Variants in CD101 observed in about 807,000 individuals in gnomAD.
CD101 encodes CD101 molecule, also known as immunoglobulin superfamily member 2.
Under a neutral mutation model 98.2 loss-of-function variants are expected in CD101, and 76 were observed. The observed-to-expected ratio is 0.77, with a 90% CI of 0.64 to 0.94. The LOEUF (loss-of-function observed/expected upper bound fraction) is 0.94. Among genes scored for constraint, CD101 ranks in the 40% least tolerant of loss-of-function variants. The pLI is 0.00. For missense variants in CD101, 1,145 were observed against 1,218.8 expected (o/e 0.94, Z 0.90); for synonymous variants, 471 against 472.7 (o/e 1.00, Z 0.05).
Position 117,013,660 on chromosome 1 carries a change from T to C in CD101, c.1096T>C (p.Ser366Pro), listed in dbSNP as rs1245677893. 5 of 1,614,056 alleles carry C rather than the reference T, an allele frequency of 3.1e-6. No homozygotes were observed. The highest frequency in any genetic ancestry group is 3.4e-6 in the Non-Finnish European group (4 of 1,180,008). Reference sequence around the variant, plus strand: ...CAAGGCTTTCTCTCTCAAGATCTTCTCTCTGGGCCCAGAGGATGAAGGCGC... The same window carrying C: ...CAAGGCTTTCTCTCTCAAGATCTTCCCTCTGGGCCCAGAGGATGAAGGCGC... ...GPKAFSLKIF[S>P]LGPEDEGAYR... Residue 366 changes from serine (S) to proline (P), a missense_variant, in exon 4 of 10, where the codon TCT (serine) becomes CCT (proline). By Grantham distance (74) the Ser-to-Pro change is moderately conservative. Coordinates refer to ENST00000682167, the MANE Select transcript of CD101 (RefSeq NM_001256106.3).
At position 117,034,021 on chromosome 1, in the gene CD101, G is replaced by T. The variant is rs1444381007; in HGVS notation, c.2986G>T (p.Ala996Ser). ...GCGTTCCAACACACGGAAAGAAAAA[G>T]CTCTCTGGGTGGACTTGAAAGAGGC... ...TLRSNTRKEK[A>S]LWVDLKEAGG... The change falls in exon 9 of 10, where the codon GCT becomes TCT. Residue 996 changes from alanine to serine, a missense_variant. Ala to Ser is a moderately conservative substitution (Grantham distance 99, BLOSUM62 1). Transcript: ENST00000682167. The T allele has an allele frequency of 3.7e-6, 6 of 1,614,022 alleles. No individual in the cohort carries two copies. The African/African-American group carries it at 5.3e-5, about 14-fold the overall frequency.
chr1:117,015,738 T>G (rs538087360), intron 4 of CD101, among the ~76,000 whole-genome samples: 70 of 152,362 alleles, frequency 4.6e-4, no homozygotes, highest in African/African-American at 1.6e-3. Context: ...TACTAAGTAC[T>G]TTCCCTAGCC....
rs1280392628 is a variant in CD101 at position 117,010,462 on chromosome 1, G to A, written c.424+232G>A. Among the ~76,000 whole-genome samples, 3 of 152,188 alleles carry A rather than the reference G, an allele frequency of 2.0e-5. No homozygotes were observed. The highest frequency in any genetic ancestry group is 4.4e-5 in the Non-Finnish European group (3 of 68,032). On this transcript the variant is annotated intron_variant, in intron 2 of 9. Transcript: ENST00000682167. This position sits in a 1 kb window ranked among gnomAD's most constrained non-coding sequence, Gnocchi z 5.2. Reference sequence around the variant, plus strand: ...TGCCATAAATATTTAGATGGTGTGTGGTTTTCCCAAGGCCTTGTCCGCAGC... The same window carrying A: ...TGCCATAAATATTTAGATGGTGTGTAGTTTTCCCAAGGCCTTGTCCGCAGC...
chr1:117,034,432 A>G (rs1372543546), intron 9 of CD101, among the ~76,000 whole-genome samples: 2 of 152,170 alleles, frequency 1.3e-5, no homozygotes, highest in Non-Finnish European at 2.9e-5. Flanking sequence ...ATCCTACAGC[A>G]ATGCCCTGGT....
rs1652514752 is a variant in CD101 at position 117,006,141 on chromosome 1, C to A, written c.44-3709C>A. ...GTCAGAGTATCAATATTCTCCCAGG[C>A]AGCCTTATCAAACCTATGATCTTTG... On this transcript the variant is annotated intron_variant, in intron 1 of 9. Transcript: ENST00000682167. This position sits in a 1 kb window ranked among gnomAD's most constrained non-coding sequence, Gnocchi z 4.4. Among the ~76,000 whole-genome samples the A allele has an allele frequency of 6.6e-6, 1 of 152,094 alleles. No individual in the cohort carries two copies.
intron 1 of CD101, among the ~76,000 whole-genome samples, chr1:117,008,780 C>T (rs1557764667): frequency 6.6e-6 from 1 of 152,090 alleles, no homozygotes; most frequent in Non-Finnish European, 1.5e-5. Flanking sequence ...CAAAATGCAG[C>T]AGAGGCTCTG....
chr1:117,010,020 A>T lies in CD101; in HGVS notation c.214A>T (p.Ile72Phe). 2 of 1,614,180 alleles carry T rather than the reference A, an allele frequency of 1.2e-6. No individual in the cohort carries two copies. The highest frequency in any genetic ancestry group is 8.5e-7 in the Non-Finnish European group (1 of 1,180,036). ...LPTNPTQEVQIISTKDAAFSY... is the reference protein window; with the variant it reads ...LPTNPTQEVQFISTKDAAFSY... Reference sequence around the variant, plus strand: ...GACAAACCCGACCCAGGAAGTCCAGATCATTAGCACCAAGGATGCTGCCTT... The same window carrying T: ...GACAAACCCGACCCAGGAAGTCCAGTTCATTAGCACCAAGGATGCTGCCTT... Residue 72 changes from isoleucine (I) to phenylalanine (F), a missense_variant, in exon 2 of 10, where the codon ATC (isoleucine) becomes TTC (phenylalanine). By Grantham distance (21) the Ile-to-Phe change is conservative. Coordinates refer to ENST00000682167, the MANE Select transcript of CD101 (RefSeq NM_001256106.3). The surrounding 1 kb of genome is among the most constrained non-coding windows in gnomAD (Gnocchi z 5.2).
intron 8 of CD101, among the ~76,000 whole-genome samples, chr1:117,029,187 G>GAAGGAAAGAAAGAAAAGAAAGA (rs1654185659): frequency 1.2e-4 from 11 of 92,842 alleles, no homozygotes; most frequent in Non-Finnish European, 2.1e-4. Flanking sequence ...AAGAAAGAAA[G>GAAGGAAAGAAAGAAAAGAAAGA]AAAGAAAGAA....
intron 8 of CD101, among the ~76,000 whole-genome samples, chr1:117,029,251 AAGAAAGAAAGAAAG>A (rs1654270145): frequency 6.9e-6 from 1 of 145,350 alleles, no homozygotes; most frequent in Admixed American, 6.7e-5. Flanking sequence ...GAAAGAAAGA[AAGAAAGAAAGAAAG>A]AAAGAAAGAG....
Position 117,033,975 on chromosome 1 carries a change from G to A in CD101, c.2940G>A (p.Lys980=). ...LLISLLCLYW[K]ARKLSTLRSN... ...TCTCCCTCCTCTGCTTATACTGGAA[G>A]GCCAGGAAGTTGTCAACACTGCGTT... Residue 980 remains lysine (K), a synonymous_variant, in exon 9 of 10, where the codon AAG becomes AAA. Coordinates refer to ENST00000682167, the MANE Select transcript of CD101 (RefSeq NM_001256106.3). The surrounding 1 kb of genome is among the most constrained non-coding windows in gnomAD (Gnocchi z 4.8). 6.2e-7 allele frequency: 1 copy of A among 1,614,128 alleles called. No homozygotes were observed. Among genetic ancestry groups the A allele is most frequent in the South Asian group, 1.1e-5 (1 of 91,080 alleles).
Position 117,013,818 on chromosome 1 carries a change from C to T in CD101, c.1228+26C>T, listed in dbSNP as rs750544787. The T allele has an allele frequency of 2.5e-6, 4 of 1,579,864 alleles. No homozygotes were observed. In the East Asian group the frequency reaches 6.8e-5, roughly 27 times the overall value. ...GTACGTAAAGTCAAGGCCAGGCATG[C>T]ATTGGGCTGCTTTCAGATGCCCCCT... On this transcript the variant is annotated intron_variant, in intron 4 of 9. Transcript: ENST00000682167.
At chr1:117,025,276 T>C (rs546204796) in intron 7 of CD101, among the ~76,000 whole-genome samples, 1 of 152,178 alleles carries the variant, frequency 6.6e-6, no homozygotes, top group East Asian at 1.9e-4. Flanking sequence ...GGCAGGAGAA[T>C]TGCTTGAACC....
intron 8 of CD101, among the ~76,000 whole-genome samples, chr1:117,027,763 T>C (rs1420164952): frequency 6.6e-6 from 1 of 152,166 alleles, no homozygotes; most frequent in Non-Finnish European, 1.5e-5. Context: ...CATGATCAGA[T>C]TTTCCTTTTA....
chr1:117,009,604 G>T (rs80141216), intron 1 of CD101, among the ~76,000 whole-genome samples: 8,962 of 152,300 alleles, frequency 0.059, 308 homozygotes, highest in Non-Finnish European at 0.068. Flanking sequence ...TTACATTGAT[G>T]AAGCTAAATT....
In CD101 at chr1:117,018,599, A is replaced by G. The variant is rs774757430; in HGVS notation, c.2017+39A>G. The G allele has an allele frequency of 2.6e-6, 4 of 1,515,350 alleles. No homozygotes were observed. The highest frequency in any genetic ancestry group is 3.6e-6 in the Non-Finnish European group (4 of 1,126,434). The allele number at this position is 1,515,350 out of a possible 1,614,324, so 93.9% of individuals were successfully genotyped here. ...GAAATTAATCCCTGTTTTAAAAACA[A>G]ACAAATAGCAATCCTCCCATTTTGG... On this transcript the variant is annotated intron_variant, in intron 6 of 9. Transcript: ENST00000682167. The surrounding 1 kb of genome is among the most constrained non-coding windows in gnomAD (Gnocchi z 4.3).
chr1:117,013,539 AATTGCTCAC>A lies in CD101; in HGVS notation c.980_988del (p.Ala327_Ile329del). ...GCATTTGGTTCTTCAATGGGACTGAAATTGCTCACATTGATGCTGGTGGAGTCCTGGGCC... is the reference window on the plus strand; with the variant it reads ...GCATTTGGTTCTTCAATGGGACTGAAATTGATGCTGGTGGAGTCCTGGGCC... On this transcript the variant is annotated inframe_deletion, in exon 4 of 10. Coordinates refer to ENST00000682167, the MANE Select transcript of CD101 (RefSeq NM_001256106.3). The A allele has an allele frequency of 6.2e-7, 1 of 1,614,136 alleles. No individual in the cohort carries two copies. Among genetic ancestry groups the A allele is most frequent in the Non-Finnish European group, 8.5e-7 (1 of 1,180,008 alleles).
At chr1:117,016,639 G>A (rs558305632) in intron 4 of CD101, among the ~76,000 whole-genome samples, 57 of 152,242 alleles carry the variant, frequency 3.7e-4, no homozygotes, top group Non-Finnish European at 6.5e-4. Flanking sequence ...CAGGAGGATC[G>A]CTTGAGGCCA....
chr1:117,034,487 G>A (rs1654680078), intron 9 of CD101, among the ~76,000 whole-genome samples: 1 of 152,134 alleles, frequency 6.6e-6, no homozygotes, highest in Non-Finnish European at 1.5e-5. Context: ...ACCTGCTCTA[G>A]GTAATCATTT....
chr1:117,017,038 ATTTCT>A, intron 4 of CD101, 47 bp from the exon 5 acceptor site: 1 of 1,547,276 alleles, frequency 6.5e-7, no homozygotes, highest in Non-Finnish European at 8.8e-7. Context: ...ATTTTAGAAC[ATTTCT>A]TATTTACCTA....
Sources: gnomAD v4.1 joint callset for allele counts (sites outside exome capture counted in the v4.1 genomes callset) on GRCh38, gnomAD v4.1.1 for gene constraint, Gnocchi (gnomAD v3.1) non-coding constraint, MANE v1.5 for transcripts, NCBI Gene and HGNC (gene_info 2026-07-23, HGNC 2026-07-21) for gene names.